Variants in FGF14 observed in about 807,000 individuals in gnomAD.
FGF14 encodes the protein fibroblast growth factor 14, also known as fibroblast growth factor homologous factor 4.
FGF14 carries 5 observed loss-of-function variants against 25.5 expected under a neutral mutation model. The observed-to-expected ratio is 0.20, with a 90% confidence interval of 0.10 to 0.41. The LOEUF (loss-of-function observed/expected upper bound fraction) is 0.41. FGF14 is among the 10% of genes least tolerant of loss of function. The pLI is 1.00. For synonymous variants in FGF14, 138 were observed against 118.3 expected, an observed-to-expected ratio of 1.17 and a Z score of -1.08; for missense variants, 222 against 320.1, an observed-to-expected ratio of 0.69 and a Z score of 2.34.
At chr13:101,806,518 TA>T (rs368544661) in intron 3 of FGF14, among the ~76,000 whole-genome samples, 24 of 152,010 alleles carry the variant, frequency 1.6e-4, no homozygotes, top group African/African-American at 5.8e-4. Context: ...AAAAAGTAAT[TA>T]AAAAATCATC....
At chr13:102,292,350 T>G (rs978946314) in intron 1 of FGF14, 2 of 151,786 alleles carry the variant, frequency 1.3e-5, no homozygotes, top group African/African-American at 2.4e-5. Flanking sequence ...TTTAATGTAT[T>G]GTTATTCTTG....
chr13:102,336,960 G>A (rs1298572359), intron 1 of FGF14, among the ~76,000 whole-genome samples: 1 of 152,112 alleles, frequency 6.6e-6, no homozygotes, highest in Non-Finnish European at 1.5e-5. Context: ...ACTGCTCATT[G>A]ACAATGCACC....
Position 102,347,549 on chromosome 13 carries a change from G to C in FGF14, c.208+53922C>G, listed in dbSNP as rs576776801. On this transcript the variant is annotated intron_variant, in intron 1 of 4. Coordinates refer to the FGF14 transcript ENST00000376131. ...TTTAGGAAGTGTGCAGAGTGGGAGG[G>C]AGTAAGGCCTGCTGCGGAAATCAAT... Among the ~76,000 whole-genome samples the C allele has an allele frequency of 8.5e-5, 13 of 152,254 alleles. No homozygotes were observed. In the South Asian group the frequency reaches 2.7e-3, roughly 32 times the overall value.
At chr13:101,969,647 C>G (rs1198181285) in intron 1 of FGF14, among the ~76,000 whole-genome samples, 1 of 152,092 alleles carries the variant, frequency 6.6e-6, no homozygotes, top group Admixed American at 6.5e-5. Flanking sequence ...TATTTTTCAC[C>G]GTAAATTGAA....
chr13:101,906,713 C>A (rs2032293716), intron 1 of FGF14, among the ~76,000 whole-genome samples: 1 of 152,066 alleles, frequency 6.6e-6, no homozygotes, highest in Non-Finnish European at 1.5e-5. Flanking sequence ...ACTCTAATTG[C>A]CAGCTCTTTG....
intron 1 of FGF14, among the ~76,000 whole-genome samples, chr13:102,267,798 A>T (rs576627721): frequency 6.6e-6 from 1 of 152,174 alleles, no homozygotes; most frequent in Non-Finnish European, 1.5e-5. Flanking sequence ...GGGTAAAAGA[A>T]AATACAAACA....
chr13:101,982,645 G>A (rs1443485909), intron 1 of FGF14, among the ~76,000 whole-genome samples: 1 of 152,086 alleles, frequency 6.6e-6, no homozygotes, highest in African/African-American at 2.4e-5. Context: ...GGCATGCTAG[G>A]CCTCACAAAA....
At position 102,181,444 on chromosome 13, in the gene FGF14, G is replaced by C. The variant is rs1246423900; in HGVS notation, c.208+220027C>G. On this transcript the variant is annotated intron_variant, in intron 1 of 4. Coordinates refer to the FGF14 transcript ENST00000376131. ...ATGAATGTGCCTTTATTTGGAAAAA[G>C]GGGTTTTGTAGATGTTATCAAGTTA... Among the ~76,000 whole-genome samples the C allele has an allele frequency of 2.0e-5, 3 of 152,238 alleles. 1 individual carries two copies.
intron 1 of FGF14, among the ~76,000 whole-genome samples, chr13:102,247,167 A>G (rs574010346): frequency 2.0e-5 from 3 of 152,150 alleles, no homozygotes; most frequent in African/African-American, 4.8e-5. Context: ...CTTTGGACAT[A>G]GGAACTAGCA....
At chr13:102,265,188 C>T (rs539457689) in intron 1 of FGF14, among the ~76,000 whole-genome samples, 1 of 152,088 alleles carries the variant, frequency 6.6e-6, no homozygotes, top group Non-Finnish European at 1.5e-5. Context: ...AAAACAAGGT[C>T]TCCACTACCC....
At chr13:101,769,059 A>G in intron 3 of FGF14, among the ~76,000 whole-genome samples, 1 of 152,082 alleles carries the variant, frequency 6.6e-6, no homozygotes. Flanking sequence ...TTTTTTTTGC[A>G]ATAGAAATAT....
chr13:101,867,635 T>C (rs1047074070), intron 3 of FGF14, among the ~76,000 whole-genome samples: 1 of 152,184 alleles, frequency 6.6e-6, no homozygotes, highest in African/African-American at 2.4e-5. Context: ...TAGGGAATTC[T>C]AGCTTGATCC....
intron 1 of FGF14, among the ~76,000 whole-genome samples, chr13:102,052,407 C>A (rs992933428): frequency 4.0e-5 from 6 of 151,726 alleles, no homozygotes; most frequent in African/African-American, 1.5e-4. Flanking sequence ...CAGATTCAAT[C>A]TAAACAAGAC....
chr13:102,281,532 A>C (rs2053832298), intron 1 of FGF14, among the ~76,000 whole-genome samples: 1 of 152,070 alleles, frequency 6.6e-6, no homozygotes, highest in Non-Finnish European at 1.5e-5. Context: ...ATGGTCACCA[A>C]CAACCTCCTA....
chr13:102,326,845 A>G lies in FGF14; in HGVS notation c.208+74626T>C, dbSNP rs146607751. On this transcript the variant is annotated intron_variant, in intron 1 of 4. Transcript: ENST00000376131. ...AATGTTTCAGATATGGGAAATTGTG[A>G]CTAAAAAAGAGGGATCATGAAAACT... is the stretch of plus-strand genomic sequence containing the variant. 4.6e-3 allele frequency among the ~76,000 whole-genome samples: 697 copies of G among 152,322 alleles called. 8 individuals carry two copies. The highest frequency in any genetic ancestry group is 8.0e-3 in the Non-Finnish European group (547 of 68,018).
chr13:101,800,515 C>T (rs532997968), intron 3 of FGF14, among the ~76,000 whole-genome samples: 2 of 152,188 alleles, frequency 1.3e-5, no homozygotes, highest in East Asian at 3.9e-4. Context: ...AAATCTTGTC[C>T]TCAATTATTC....
chr13:102,233,156 C>A (rs575202268), intron 1 of FGF14, among the ~76,000 whole-genome samples: 1 of 152,088 alleles, frequency 6.6e-6, no homozygotes, highest in African/African-American at 2.4e-5. Context: ...TGTTTTGAGA[C>A]AGAGTCTCAC....
intron 3 of FGF14, among the ~76,000 whole-genome samples, chr13:101,783,774 T>C (rs1210962022): frequency 6.6e-6 from 1 of 152,224 alleles, no homozygotes; most frequent in Non-Finnish European, 1.5e-5. Context: ...CTAAATGGTG[T>C]TGCCTAGGTT....
At chr13:102,201,893 CA>C (rs11288582) in intron 1 of FGF14, among the ~76,000 whole-genome samples, 41,290 of 152,018 alleles carry the variant, frequency 0.27, 5,868 homozygotes, top group East Asian at 0.32. Context: ...TGTCCCTTCC[CA>C]AATCTCCCGT....
Sources: allele counts gnomAD v4.1 joint callset (sites outside exome capture counted in the v4.1 genomes callset), GRCh38; gene constraint gnomAD v4.1.1; transcripts MANE v1.5; gene names NCBI Gene and HGNC (gene_info 2026-07-23, HGNC 2026-07-21).